Variants in ANK3 observed in about 807,000 individuals in gnomAD.
ANK3 encodes the protein ankyrin-3.
ANK3 carries 57 observed loss-of-function variants against 370.9 expected under a neutral mutation model. That is an observed-to-expected ratio of 0.15 (90% confidence interval 0.12 to 0.19). The LOEUF (loss-of-function observed/expected upper bound fraction) is 0.19. Among genes scored for constraint, ANK3 ranks in the 10% least tolerant of loss-of-function variants. The pLI, the probability that ANK3 is intolerant of heterozygous loss-of-function variation, is 1.00. For synonymous variants in ANK3, 1,929 were observed against 1,946.3 expected (o/e 0.99, Z 0.23); for missense variants, 4,439 against 5,302.1 (o/e 0.84, Z 5.06).
At chr10:60,556,056 G>C (rs942582924) in intron 2 of ANK3, among the ~76,000 whole-genome samples, 5 of 152,184 alleles carry the variant, frequency 3.3e-5, no homozygotes, top group African/African-American at 1.2e-4. Flanking sequence ...TAGCCCACCT[G>C]CTTCAGAAAC....
chr10:60,494,346 C>T (rs1163854453), intron 2 of ANK3, among the ~76,000 whole-genome samples: 2 of 152,108 alleles, frequency 1.3e-5, no homozygotes, highest in Non-Finnish European at 2.9e-5. Context: ...TATGGAAAGA[C>T]AAGCTTAAGA....
chr10:60,516,923 C>T lies in ANK3; in HGVS notation c.96+98263G>A, dbSNP rs1009062529. Among the ~76,000 whole-genome samples the T allele has an allele frequency of 5.9e-5, 9 of 152,132 alleles. No individual in the cohort carries two copies. The East Asian group carries it at 1.2e-3, about 20-fold the overall frequency. On this transcript the variant is annotated intron_variant, in intron 2 of 43. Transcript: ENST00000373827. ...CTCTGTGAAAAATAGCCTCCTTGAT[C>T]GTTGCAGACTAAGGAAAATACTGTA...
At chr10:60,567,936 T>C (rs2077502213) in intron 2 of ANK3, among the ~76,000 whole-genome samples, 1 of 152,126 alleles carries the variant, frequency 6.6e-6, no homozygotes, top group Admixed American at 6.6e-5. Context: ...GCAAGAGAAC[T>C]AGAAACCTGA....
At chr10:60,191,615 T>C (rs1237491603) in intron 16 of ANK3, among the ~76,000 whole-genome samples, 1 of 152,178 alleles carries the variant, frequency 6.6e-6, no homozygotes, top group East Asian at 1.9e-4. Flanking sequence ...GAAATGCTTA[T>C]ACACTGTTAG....
intron 1 of ANK3, among the ~76,000 whole-genome samples, chr10:60,373,668 G>A (rs781325883): frequency 3.9e-5 from 6 of 152,158 alleles, no homozygotes; most frequent in Admixed American, 2.6e-4. Flanking sequence ...GCAAGGTCAC[G>A]GAAGGCAAGC....
chr10:60,688,598 T>C (rs2079302778), intron 1 of ANK3, among the ~76,000 whole-genome samples: 1 of 152,074 alleles, frequency 6.6e-6, no homozygotes, highest in Non-Finnish European at 1.5e-5. Flanking sequence ...ATAATATAAA[T>C]GAGGAAAGCA....
chr10:60,366,738 G>C (rs1362565181), intron 1 of ANK3, among the ~76,000 whole-genome samples: 1 of 152,054 alleles, frequency 6.6e-6, no homozygotes, highest in African/African-American at 2.4e-5. Context: ...TAACTTCTGT[G>C]AAAATGACAC....
At chr10:60,211,639 A>G (rs1361473763) in intron 9 of ANK3, among the ~76,000 whole-genome samples, 1 of 152,132 alleles carries the variant, frequency 6.6e-6, no homozygotes, top group African/African-American at 2.4e-5. Flanking sequence ...CATAAAGCAC[A>G]AGACTGGCAG....
chr10:60,554,052 G>A (rs1042661934), intron 2 of ANK3, among the ~76,000 whole-genome samples: 1 of 152,106 alleles, frequency 6.6e-6, no homozygotes, highest in African/African-American at 2.4e-5. Context: ...GGCAAGACTG[G>A]CTCCAATTTA....
chr10:60,111,670 G>A (rs978590399), intron 26 of ANK3: 4 of 447,222 alleles, frequency 8.9e-6, no homozygotes, highest in East Asian at 1.4e-4. Context: ...ATCTAACTAT[G>A]GCAAAAATTC....
At chr10:60,530,483 C>T (rs1377222214) in intron 2 of ANK3, among the ~76,000 whole-genome samples, 4 of 149,540 alleles carry the variant, frequency 2.7e-5, no homozygotes, top group Admixed American at 1.3e-4. Flanking sequence ...GATATAGGTA[C>T]AAATTTTATA....
chr10:60,376,663 C>T (rs1400795968), intron 1 of ANK3, among the ~76,000 whole-genome samples: 1 of 152,184 alleles, frequency 6.6e-6, no homozygotes, highest in Non-Finnish European at 1.5e-5. Flanking sequence ...ATTGGCCAGG[C>T]CATGACCCAG....
chr10:60,161,858 A>G (rs2095509409), intron 23 of ANK3, among the ~76,000 whole-genome samples: 1 of 152,208 alleles, frequency 6.6e-6, no homozygotes, highest in South Asian at 2.1e-4. Context: ...TTTATAGTTA[A>G]CAATAATTTA....
At chr10:60,517,776 C>G (rs574449401) in intron 2 of ANK3, among the ~76,000 whole-genome samples, 6 of 145,882 alleles carry the variant, frequency 4.1e-5, no homozygotes, top group African/African-American at 1.3e-4. Context: ...GAGAGAGAGA[C>G]AGAAGTGCGC....
intron 6 of ANK3, among the ~76,000 whole-genome samples, chr10:60,262,664 A>G (rs1464534354): frequency 1.3e-5 from 2 of 152,228 alleles, no homozygotes; most frequent in African/African-American, 2.4e-5. Context: ...CATGCTAGCT[A>G]TCTCACTGAG....
chr10:60,614,418 T>C (rs1437019944), intron 2 of ANK3, among the ~76,000 whole-genome samples: 2 of 152,238 alleles, frequency 1.3e-5, no homozygotes, highest in African/African-American at 4.8e-5. Context: ...CTATTATTCA[T>C]CTATTTCTAT....
chr10:60,603,303 G>A (rs193162124), intron 2 of ANK3, among the ~76,000 whole-genome samples: 47 of 152,114 alleles, frequency 3.1e-4, no homozygotes, highest in African/African-American at 1.1e-3. Flanking sequence ...GCTCTAGGAG[G>A]GCACAAATGG....
intron 8 of ANK3, among the ~76,000 whole-genome samples, chr10:60,231,007 TA>T (rs1168895032): frequency 2.0e-5 from 3 of 152,144 alleles, no homozygotes; most frequent in Admixed American, 2.0e-4. Flanking sequence ...TAATTATTCT[TA>T]AAGTTACAAT....
intron 1 of ANK3, among the ~76,000 whole-genome samples, chr10:60,356,569 C>T (rs1303819224): frequency 1.3e-5 from 2 of 152,210 alleles, no homozygotes; most frequent in Non-Finnish European, 2.9e-5. Flanking sequence ...TGCACATTGG[C>T]CCCAGCTAAA....
Sources: allele counts gnomAD v4.1 joint callset (sites outside exome capture counted in the v4.1 genomes callset), GRCh38; gene constraint gnomAD v4.1.1; transcripts MANE v1.5; gene names NCBI Gene and HGNC (gene_info 2026-07-23, HGNC 2026-07-21).